Variants in SLC38A3 observed in about 807,000 individuals in gnomAD.
The protein encoded by SLC38A3 is sodium-coupled neutral amino acid transporter 3.
In SLC38A3, 17 loss-of-function variants were observed where a neutral mutation model predicts 59.5. The observed-to-expected ratio is 0.29, with a 90% CI of 0.20 to 0.43. The LOEUF is 0.43. Among genes scored for constraint, SLC38A3 ranks in the 20% least tolerant of loss-of-function variants. The probability of loss-of-function intolerance (pLI) is 1.00; values close to 1 mark genes in which losing one functional copy is unlikely to be tolerated. For synonymous variants in SLC38A3, 238 were observed against 260.3 expected, an observed-to-expected ratio of 0.91 and a Z score of 0.82; for missense variants, 454 against 653.9, an observed-to-expected ratio of 0.69 and a Z score of 3.33.
Position 50,220,649 on chromosome 3 carries a change from A to C in SLC38A3, c.*472A>C. ...CTTTTATTCCCTAGGCCCTTTTCAGACTCCTGGGCCCTTGGATACTCTTCT... is the reference window on the plus strand; with the variant it reads ...CTTTTATTCCCTAGGCCCTTTTCAGCCTCCTGGGCCCTTGGATACTCTTCT... On this transcript the variant is annotated 3_prime_UTR_variant, in exon 16 of 16. Transcript: ENST00000614032. The C allele has an allele frequency of 1.7e-5, 3 of 179,248 alleles. No individual in the cohort carries two copies. The highest frequency in any genetic ancestry group is 2.4e-5 in the Non-Finnish European group (2 of 83,986). 11.1% of individuals were successfully genotyped at this position (179,248 alleles called of 1,614,324 possible). A position where few individuals can be genotyped will look rare whatever the true frequency, so the allele number is the denominator to read the frequency against.
intron 7 of SLC38A3, among the ~76,000 whole-genome samples, chr3:50,216,796 G>T (rs1038446699): frequency 2.1e-5 from 3 of 141,356 alleles, no homozygotes; most frequent in African/African-American, 9.2e-5. Flanking sequence ...TTTGTGAGAC[G>T]GAGTCTCGCT....
intron 1 of SLC38A3, among the ~76,000 whole-genome samples, chr3:50,207,110 G>T (rs1036294791): frequency 3.9e-5 from 6 of 152,180 alleles, no homozygotes; most frequent in African/African-American, 1.2e-4. Context: ...GGAGGGGAGT[G>T]GTGTGGGGTG....
chr3:50,217,941 G>A lies in SLC38A3; in HGVS notation c.880G>A (p.Ala294Thr), dbSNP rs1699843489. ...SQTAYTIPIM[A>T]FAFVCHPEVL... ...GACAGCATACACCATCCCCATCATG[G>A]CCTTCGCCTTCGTCTGCCACCCCGA... Residue 294 changes from alanine (A) to threonine (T), a missense_variant, in exon 11 of 16, where the codon GCC becomes ACC. By Grantham distance (58) the Ala-to-Thr change is moderately conservative. This residue lies in a region of SLC38A3 where 390 missense variants were observed against 557.9 expected (regional missense o/e 0.70). Coordinates refer to ENST00000614032, the MANE Select transcript of SLC38A3 (RefSeq NM_006841.6). This position sits in a 1 kb window ranked among gnomAD's most constrained non-coding sequence, Gnocchi z 4.9. 6.2e-7 allele frequency: 1 copy of A among 1,613,900 alleles called. No homozygotes were observed. Among genetic ancestry groups the A allele is most frequent in the African/African-American group, 1.3e-5 (1 of 74,916 alleles).
chr3:50,218,829 T>C lies in SLC38A3; in HGVS notation c.1187T>C (p.Leu396Pro). ...FPVRRAIQQM[L>P]FPNQEFSWLR... ...GTGCGCCGCGCCATCCAGCAGATGC[T>C]GTTTCCAAACCAGGAGTTCAGCTGG... Residue 396 changes from leucine to proline, a missense_variant, in exon 14 of 16, where the codon CTG becomes CCG. Around this residue, in one of 3 missense-constraint regions of SLC38A3, gnomAD observed 390 missense variants for 557.9 expected, o/e 0.70. Transcript: ENST00000614032. The surrounding 1 kb of genome is among the most constrained non-coding windows in gnomAD (Gnocchi z 5.8). 6.2e-7 allele frequency: 1 copy of C among 1,612,052 alleles called. No individual in the cohort carries two copies. Among genetic ancestry groups the C allele is most frequent in the Non-Finnish European group, 8.5e-7 (1 of 1,178,200 alleles).
At chr3:50,213,128 G>A (rs1699756552) in intron 1 of SLC38A3, among the ~76,000 whole-genome samples, 1 of 152,326 alleles carries the variant, frequency 6.6e-6, no homozygotes, top group Non-Finnish European at 1.5e-5. Flanking sequence ...GGTGGAGGAA[G>A]GAGAGCTGGT....
At chr3:50,219,023 C>T (rs1384622957) in intron 14 of SLC38A3, 75 bp downstream of exon 14, 9 of 1,549,894 alleles carry the variant, frequency 5.8e-6, no homozygotes, top group South Asian at 2.3e-5. Context: ...TGGCAGATTC[C>T]TGAGCTTACA....
intron 1 of SLC38A3, among the ~76,000 whole-genome samples, chr3:50,208,382 C>T (rs1699674227): frequency 6.6e-6 from 1 of 152,148 alleles, no homozygotes; most frequent in Non-Finnish European, 1.5e-5. Context: ...CCTGCCTCAG[C>T]CTCCCGAGTA....
Position 50,218,203 on chromosome 3 carries a change from G to A in SLC38A3, c.936-67G>A. On this transcript the variant is annotated intron_variant, in intron 11 of 15. Transcript: ENST00000614032. This position sits in a 1 kb window ranked among gnomAD's most constrained non-coding sequence, Gnocchi z 5.8. ...AAAGTATGGTGCCAGAGAGAGCTTG[G>A]GGCACATGGGGGTCTCCCAATGTTA... 1 of 1,210,246 alleles carries A rather than the reference G, an allele frequency of 8.3e-7. No homozygotes were observed. The highest frequency in any genetic ancestry group is 1.5e-5 in the African/African-American group (1 of 67,444). 75.0% of individuals were successfully genotyped at this position (1,210,246 alleles called of 1,614,324 possible). A position where few individuals can be genotyped will look rare whatever the true frequency, so the allele number is the denominator to read the frequency against.
At chr3:50,212,209 C>T (rs1699741278) in intron 1 of SLC38A3, among the ~76,000 whole-genome samples, 1 of 152,234 alleles carries the variant, frequency 6.6e-6, no homozygotes, top group Non-Finnish European at 1.5e-5. Context: ...GAGGCAGTGC[C>T]TGGCTGCTAC....
At position 50,213,880 on chromosome 3, in the gene SLC38A3, G is replaced by A. The variant is rs191325945; in HGVS notation, c.-51-269G>A. On this transcript the variant is annotated intron_variant, in intron 1 of 15. Coordinates refer to ENST00000614032, the MANE Select transcript of SLC38A3 (RefSeq NM_006841.6). ...CCGTCACTTCACAGATGGTGAAACC[G>A]AGACCCTAAGGGCTTGCCTGGACGG... 6.8e-3 allele frequency among the ~76,000 whole-genome samples: 1,034 copies of A among 152,310 alleles called. 20 individuals carry two copies. The highest frequency in any genetic ancestry group is 4.0e-3 in the Non-Finnish European group (272 of 68,020).
chr3:50,214,447 A>G lies in SLC38A3; in HGVS notation c.147A>G (p.Leu49=). The stretch of plus-strand genomic sequence containing the variant: ...GCTGTATGGAGGGCAAGAGCTTCCT[A>G]CAGAAAAGTCCCAGCAAGGAGCCAC... The part of the protein sequence containing the change: ...ARSCMEGKSF[L]QKSPSKEPHF... Residue 49 remains leucine (L), a synonymous_variant, in exon 3 of 16, where the codon CTA becomes CTG. Coordinates refer to ENST00000614032, the MANE Select transcript of SLC38A3 (RefSeq NM_006841.6). The surrounding 1 kb of genome is among the most constrained non-coding windows in gnomAD (Gnocchi z 6.0). 6.3e-7 allele frequency: 1 copy of G among 1,574,984 alleles called. No individual in the cohort carries two copies. The highest frequency in any genetic ancestry group is 1.9e-5 in the Admixed American group (1 of 53,580).
At chr3:50,211,150 G>T (rs912541382) in intron 1 of SLC38A3, among the ~76,000 whole-genome samples, 1 of 152,192 alleles carries the variant, frequency 6.6e-6, no homozygotes, top group Non-Finnish European at 1.5e-5. Context: ...TCTTATGCAG[G>T]AGCCCTTCCC....
At position 50,218,526 on chromosome 3, in the gene SLC38A3, C is replaced by T. The variant is rs1350563318; in HGVS notation, c.1037-67C>T. 3 of 1,593,520 alleles carry T rather than the reference C, an allele frequency of 1.9e-6. No homozygotes were observed. Among genetic ancestry groups the T allele is most frequent in the East Asian group, 2.2e-5 (1 of 44,474 alleles). On this transcript the variant is annotated intron_variant, in intron 12 of 15. Coordinates refer to ENST00000614032, the MANE Select transcript of SLC38A3 (RefSeq NM_006841.6). The surrounding 1 kb of genome is among the most constrained non-coding windows in gnomAD (Gnocchi z 5.8). ...GCCAATCCCCACAGTGTTGGGGTCC[C>T]CTAGGCAGCTCAGATCCCACCTCCT...
chr3:50,220,201 T>A lies in SLC38A3; in HGVS notation c.*24T>A. 1 of 1,533,432 alleles carries A rather than the reference T, an allele frequency of 6.5e-7. No individual in the cohort carries two copies. The highest frequency in any genetic ancestry group is 8.9e-7 in the Non-Finnish European group (1 of 1,127,390). 95.0% of individuals were successfully genotyped at this position (1,533,432 alleles called of 1,614,324 possible). ...AGGGTGACCCTCATCCTGTTCTGTC[T>A]ACTCACCCTAGCAGCCCTGCCCAGA... On this transcript the variant is annotated 3_prime_UTR_variant, in exon 16 of 16. Coordinates refer to ENST00000614032, the MANE Select transcript of SLC38A3 (RefSeq NM_006841.6).
intron 1 of SLC38A3, among the ~76,000 whole-genome samples, chr3:50,208,592 T>C (rs1305449856): frequency 6.6e-6 from 1 of 152,250 alleles, no homozygotes; most frequent in Non-Finnish European, 1.5e-5. Flanking sequence ...TCTTGTTGTC[T>C]GTCTCTTCCT....
Position 50,217,546 on chromosome 3 carries a change from G to T in SLC38A3, c.690+73G>T. The T allele has an allele frequency of 5.7e-6, 9 of 1,578,012 alleles. No homozygotes were observed. The South Asian group carries it at 9.0e-5, about 16-fold the overall frequency. On this transcript the variant is annotated intron_variant, in intron 9 of 15. Coordinates refer to ENST00000614032, the MANE Select transcript of SLC38A3 (RefSeq NM_006841.6). The surrounding 1 kb of genome is among the most constrained non-coding windows in gnomAD (Gnocchi z 4.9). ...GGGGGAGTTCCCTGTCATCAGGAGGGGGCAGGTGTCTCTGGGAAGCCTGGG... is the reference window on the plus strand; with the variant it reads ...GGGGGAGTTCCCTGTCATCAGGAGGTGGCAGGTGTCTCTGGGAAGCCTGGG...
Position 50,215,741 on chromosome 3 carries a change from C to G in SLC38A3, c.468C>G (p.Ala156=). 6.2e-7 allele frequency: 1 copy of G among 1,604,000 alleles called. No homozygotes were observed. The highest frequency in any genetic ancestry group is 8.5e-7 in the Non-Finnish European group (1 of 1,175,648). Residue 156 remains alanine, a splice_region_variant and synonymous_variant, in exon 7 of 16, where the codon GCC becomes GCG. Coordinates refer to ENST00000614032, the MANE Select transcript of SLC38A3 (RefSeq NM_006841.6). The surrounding 1 kb of genome is among the most constrained non-coding windows in gnomAD (Gnocchi z 7.1). ...ALAITLQNIG[A]MSSYLYIIKS... ...GCCTGCCCGCCCCTCTCCCCACAGC[C>G]ATGTCCAGCTACCTGTACATCATCA...
intron 1 of SLC38A3, among the ~76,000 whole-genome samples, chr3:50,206,932 A>G (rs977707786): frequency 3.3e-5 from 5 of 152,228 alleles, no homozygotes; most frequent in African/African-American, 1.2e-4. Context: ...CCTAGCAAGT[A>G]GCCTTGAAGC....
At chr3:50,211,412 C>T (rs967122748) in intron 1 of SLC38A3, among the ~76,000 whole-genome samples, 1 of 152,186 alleles carries the variant, frequency 6.6e-6, no homozygotes, top group African/African-American at 2.4e-5. Flanking sequence ...CTTCCTTCAA[C>T]GCTTACAGCT....
Sources: gnomAD v4.1 joint callset for allele counts (sites outside exome capture counted in the v4.1 genomes callset) on GRCh38, gnomAD v4.1.1 for gene constraint, gnomAD v4.1.1 regional missense constraint, Gnocchi (gnomAD v3.1) non-coding constraint, MANE v1.5 for transcripts, NCBI Gene and HGNC (gene_info 2026-07-23, HGNC 2026-07-21) for gene names.